Variants in TDRD3 observed in about 807,000 individuals in gnomAD.
The protein encoded by TDRD3 is tudor domain containing 3.
TDRD3 carries 45 observed loss-of-function variants against 86.7 expected under a neutral mutation model. That is an observed-to-expected ratio of 0.52 (90% confidence interval 0.41 to 0.67). The LOEUF (loss-of-function observed/expected upper bound fraction) is 0.67, where lower values mean the gene tolerates loss of function less well. TDRD3 is among the 30% of genes least tolerant of loss of function. The pLI, the probability that TDRD3 is intolerant of heterozygous loss-of-function variation, is 0.00. For synonymous variants in TDRD3, 298 were observed against 301.7 expected (o/e 0.99, Z 0.13); for missense variants, 814 against 889.0 (o/e 0.92, Z 1.07).
chr13:60,498,773 G>A (rs1956770446), intron 8 of TDRD3, among the ~76,000 whole-genome samples: 1 of 152,072 alleles, frequency 6.6e-6, no homozygotes, highest in Admixed American at 6.5e-5. Context: ...CTGTGCATTG[G>A]GGAAAGAGAA....
intron 4 of TDRD3, among the ~76,000 whole-genome samples, chr13:60,464,977 G>A (rs9538714): frequency 0.072 from 10,897 of 152,184 alleles, 509 homozygotes; most frequent in East Asian, 0.17. Flanking sequence ...ATAAATGTTT[G>A]AGGTAATAGA....
chr13:60,467,054 G>A (rs1218901465), intron 4 of TDRD3, among the ~76,000 whole-genome samples, 184 bp from the exon 5 acceptor site: 1 of 151,992 alleles, frequency 6.6e-6, no homozygotes, highest in East Asian at 1.9e-4. Context: ...ATGTGCCATG[G>A]TGGTTTTCTG....
chr13:60,427,963 C>A (rs1594920644), intron 1 of TDRD3, among the ~76,000 whole-genome samples: 1 of 152,198 alleles, frequency 6.6e-6, no homozygotes, highest in South Asian at 2.1e-4. Context: ...CTTAACAGTT[C>A]TGGAGATCAG....
intron 1 of TDRD3, among the ~76,000 whole-genome samples, chr13:60,398,863 AG>A (rs1214695048): frequency 3.4e-5 from 5 of 148,882 alleles, no homozygotes; most frequent in African/African-American, 1.3e-4. Context: ...CTCTTCTTTC[AG>A]TTTTTTTACC....
At position 60,397,296 on chromosome 13, in the gene TDRD3, G is replaced by T. The variant is rs1953944080; in HGVS notation, c.-69G>T. On this transcript the variant is annotated 5_prime_UTR_variant, in exon 1 of 14. Coordinates refer to ENST00000377881, the MANE Select transcript of TDRD3 (RefSeq NM_001146070.2). ...TCTTTTTTTTTTTTTAAGGGGGGGG[G>T]TCTCAAGTAGGAGGCCTCCCCATCA... The T allele has an allele frequency of 1.1e-5, 9 of 814,652 alleles. No individual in the cohort carries two copies. Among genetic ancestry groups the T allele is most frequent in the South Asian group, 2.2e-5 (1 of 44,554 alleles). The allele number at this position is 814,652 out of a possible 1,614,324, so 50.5% of individuals were successfully genotyped here. A position where few individuals can be genotyped will look rare whatever the true frequency, so the allele number is the denominator to read the frequency against.
chr13:60,440,967 G>A (rs1342994537), intron 2 of TDRD3, among the ~76,000 whole-genome samples: 12 of 151,904 alleles, frequency 7.9e-5, no homozygotes, highest in Non-Finnish European at 1.8e-4. Flanking sequence ...TTAAACTTGG[G>A]TTTAAACAGA....
chr13:60,560,200 A>G (rs1958300837), intron 12 of TDRD3, among the ~76,000 whole-genome samples: 1 of 152,170 alleles, frequency 6.6e-6, no homozygotes, highest in Non-Finnish European at 1.5e-5. Context: ...CATTTACACA[A>G]CTTTGAGCTA....
chr13:60,476,548 G>A (rs908498627), intron 5 of TDRD3, among the ~76,000 whole-genome samples: 5 of 151,978 alleles, frequency 3.3e-5, no homozygotes, highest in Admixed American at 1.3e-4. Flanking sequence ...CTCATTTTTG[G>A]TTCCATATGA....
intron 12 of TDRD3, among the ~76,000 whole-genome samples, chr13:60,564,598 A>C (rs903165652): frequency 6.6e-5 from 10 of 151,910 alleles, no homozygotes; most frequent in Admixed American, 2.0e-4. Context: ...AAATCACTTC[A>C]CCTCTCTTGG....
chr13:60,439,576 A>G, intron 1 of TDRD3, 112 bp from the exon 2 acceptor site: 1 of 703,208 alleles, frequency 1.4e-6, no homozygotes, highest in Non-Finnish European at 2.4e-6. Context: ...CTCTTTCCCT[A>G]GTATTTGTAG....
At chr13:60,542,436 T>G (rs1957838493) in intron 12 of TDRD3, among the ~76,000 whole-genome samples, 2 of 152,224 alleles carry the variant, frequency 1.3e-5, no homozygotes, top group Non-Finnish European at 2.9e-5. Flanking sequence ...AAAGGCATCC[T>G]TGTTGAATAC....
chr13:60,567,430 G>T, intron 12 of TDRD3, 95 bp from the exon 13 acceptor site: 1 of 1,529,526 alleles, frequency 6.5e-7, no homozygotes, highest in Non-Finnish European at 9.0e-7. Flanking sequence ...GGCAGCTTAA[G>T]AGAGATATTA....
chr13:60,414,123 G>A (rs979035568), intron 1 of TDRD3, among the ~76,000 whole-genome samples: 1 of 152,028 alleles, frequency 6.6e-6, no homozygotes, highest in Non-Finnish European at 1.5e-5. Context: ...AAAATTAAAT[G>A]TGTGGAACCA....
intron 12 of TDRD3, among the ~76,000 whole-genome samples, chr13:60,555,826 AG>A (rs1169753671): frequency 6.6e-6 from 1 of 151,164 alleles, no homozygotes; most frequent in Non-Finnish European, 1.5e-5. Context: ...TACATAGGGT[AG>A]GAAAAAAAAC....
At chr13:60,396,505 G>C (rs369435331), upstream of TDRD3, 2 of 152,442 alleles carry the variant, frequency 1.3e-5, no homozygotes, top group Non-Finnish European at 2.9e-5. Flanking sequence ...GGGCATCGGC[G>C]GGGAAGCGGC....
At chr13:60,442,857 A>G (rs1185595278) in intron 2 of TDRD3, among the ~76,000 whole-genome samples, 1 of 151,918 alleles carries the variant, frequency 6.6e-6, no homozygotes, top group Non-Finnish European at 1.5e-5. Flanking sequence ...TACCGTTGGG[A>G]TGGATCAAAG....
rs914951050 is a variant in TDRD3 at position 60,483,760 on chromosome 13, G to A, written c.496-15G>A. On this transcript the variant is annotated splice_polypyrimidine_tract_variant and intron_variant, in intron 5 of 13. Transcript: ENST00000377881. The stretch of plus-strand genomic sequence containing the variant: ...TATGTATAACTGCTCTTTTGTGACT[G>A]GATTTTTTCCGCAGAGCTTATCAAA... The A allele has an allele frequency of 1.9e-6, 3 of 1,598,046 alleles. No homozygotes were observed. The highest frequency in any genetic ancestry group is 3.5e-5 in the Admixed American group (2 of 57,796).
chr13:60,536,375 C>G (rs1455737325), intron 12 of TDRD3: 1 of 152,006 alleles, frequency 6.6e-6, no homozygotes, highest in Non-Finnish European at 1.5e-5. Context: ...ATCCTCTAAA[C>G]TTTAATTGCT....
intron 1 of TDRD3, among the ~76,000 whole-genome samples, chr13:60,432,965 T>G (rs1954992955): frequency 6.6e-6 from 1 of 152,160 alleles, no homozygotes; most frequent in African/African-American, 2.4e-5. Context: ...TGAAGCCATT[T>G]GATTTGGGTT....
Sources: allele counts gnomAD v4.1 joint callset (sites outside exome capture counted in the v4.1 genomes callset), GRCh38; gene constraint gnomAD v4.1.1; transcripts MANE v1.5; gene names NCBI Gene and HGNC (gene_info 2026-07-23, HGNC 2026-07-21).